The following TEX36 variants were observed in gnomAD, a reference collection of about 807,000 sequenced individuals.
TEX36 encodes the protein testis expressed 36.
TEX36 carries 12 observed loss-of-function variants against 13.6 expected under a neutral mutation model. The ratio of observed to expected loss-of-function variants is 0.88; its 90% CI spans 0.56 to 1.43. TEX36 has a LOEUF of 1.43. TEX36 is among the 40% of genes most tolerant of loss of function. The pLI is 0.00. For missense variants in TEX36, 224 were observed against 228.3 expected (o/e 0.98, Z 0.12); for synonymous variants, 93 against 83.0 (o/e 1.12, Z -0.65).
chr10:125,635,238 C>A (rs1234553376), intron 3 of TEX36, among the ~76,000 whole-genome samples: 1 of 152,180 alleles, frequency 6.6e-6, no homozygotes, highest in Non-Finnish European at 1.5e-5. Flanking sequence ...ATCCTGCATG[C>A]CTCACCCATT....
intron 3 of TEX36, chr10:125,578,352 C>T (rs1379189554): frequency 6.6e-6 from 1 of 152,136 alleles, no homozygotes; most frequent in Admixed American, 6.5e-5. Flanking sequence ...AAAATAAATC[C>T]CTGGGTCACA....
At chr10:125,677,321 G>A (rs1847327552) in intron 1 of TEX36, among the ~76,000 whole-genome samples, 1 of 152,058 alleles carries the variant, frequency 6.6e-6, no homozygotes. Context: ...TCTTTTCTCT[G>A]GAGGATCCTG....
At chr10:125,586,056 G>A (rs990941028) in intron 3 of TEX36, among the ~76,000 whole-genome samples, 1 of 152,214 alleles carries the variant, frequency 6.6e-6, no homozygotes, top group African/African-American at 2.4e-5. Flanking sequence ...GACGGCAACT[G>A]TGTGCAGGTG....
intron 1 of TEX36, among the ~76,000 whole-genome samples, chr10:125,675,561 T>C (rs148356193): frequency 1.2e-4 from 18 of 152,326 alleles, no homozygotes; most frequent in African/African-American, 4.1e-4. Context: ...ATCCATGGGT[T>C]GCACAGATCT....
chr10:125,664,782 CA>C (rs747432058), intron 1 of TEX36, among the ~76,000 whole-genome samples: 5 of 152,168 alleles, frequency 3.3e-5, no homozygotes, highest in Non-Finnish European at 5.9e-5. Flanking sequence ...TCCTTTATAG[CA>C]GTGTGAAAAC....
chr10:125,668,224 T>C (rs1186062331), intron 1 of TEX36, among the ~76,000 whole-genome samples: 2 of 152,164 alleles, frequency 1.3e-5, no homozygotes, highest in Admixed American at 6.5e-5. Context: ...TATTTTGAAA[T>C]AGTTTCAAGA....
intron 3 of TEX36, among the ~76,000 whole-genome samples, chr10:125,633,944 T>C (rs906839357): frequency 1.3e-5 from 2 of 152,088 alleles, no homozygotes; most frequent in African/African-American, 4.8e-5. Context: ...TGGGGCCCTT[T>C]AGTACCCACC....
At chr10:125,619,806 C>T (rs555908987), downstream of TEX36, among the ~76,000 whole-genome samples, 181 of 152,148 alleles carry the variant, frequency 1.2e-3, no homozygotes, top group African/African-American at 3.9e-3. Flanking sequence ...CCACCTGCCT[C>T]CGCCTCCCAA....
chr10:125,578,377 G>T (rs1327799719), intron 3 of TEX36: 1 of 152,230 alleles, frequency 6.6e-6, no homozygotes, highest in Non-Finnish European at 1.5e-5. Flanking sequence ...GATAGTGATT[G>T]AGTAGAGCTT....
At chr10:125,665,627 T>A (rs1847109322) in intron 1 of TEX36, among the ~76,000 whole-genome samples, 1 of 152,060 alleles carries the variant, frequency 6.6e-6, no homozygotes, top group Non-Finnish European at 1.5e-5. Flanking sequence ...GTTACTATAG[T>A]CTTGTAATAA....
rs534198203 is a variant in TEX36, at chr10:125,665,362, G to GT, written c.52-3386dup. Among the ~76,000 whole-genome samples the GT allele has an allele frequency of 1.2e-3, 187 of 152,122 alleles. 1 individual carries two copies. Among genetic ancestry groups the GT allele is most frequent in the African/African-American group, 4.3e-3 (178 of 41,520 alleles). ...AGTTTTCTCTAGGTTTTCTTCTAGT[G>GT]TTTTTTACAGTTTCAGATCTTATAT... On this transcript the variant is annotated intron_variant, in intron 1 of 3. Transcript: ENST00000368821.
chr10:125,675,619 C>A (rs1304031864), intron 1 of TEX36, among the ~76,000 whole-genome samples: 1 of 152,156 alleles, frequency 6.6e-6, no homozygotes, highest in Non-Finnish European at 1.5e-5. Flanking sequence ...TCACTCACCA[C>A]CCTTCTTGGC....
At chr10:125,635,049 C>T (rs145018612) in intron 3 of TEX36, among the ~76,000 whole-genome samples, 71 of 152,288 alleles carry the variant, frequency 4.7e-4, no homozygotes, top group Middle Eastern at 6.8e-3. Context: ...AAGGCCACAC[C>T]AGACGCATTG....
At chr10:125,640,541 G>A (rs546807284) in intron 3 of TEX36, among the ~76,000 whole-genome samples, 60 of 152,242 alleles carry the variant, frequency 3.9e-4, no homozygotes, top group Admixed American at 1.8e-3. Context: ...CTTAAATACC[G>A]CGTGTTAAAT....
intron 3 of TEX36, among the ~76,000 whole-genome samples, chr10:125,659,159 T>C (rs570387523): frequency 1.3e-5 from 2 of 152,324 alleles, no homozygotes; most frequent in African/African-American, 4.8e-5. Context: ...AGTTATTTCA[T>C]AGGCAAATTC....
In TEX36 at chr10:125,612,289, G is replaced by T. The variant is rs144096994; in HGVS notation, c.265-35415C>A. ...AGTAGAGATAGGATTTCACCGTATTGGTCAGGCTGGTCTTGAATTCCTGAT... is the reference window on the plus strand; with the variant it reads ...AGTAGAGATAGGATTTCACCGTATTTGTCAGGCTGGTCTTGAATTCCTGAT... On this transcript the variant is annotated intron_variant, in intron 3 of 3. Transcript: ENST00000532135. Among the ~76,000 whole-genome samples the T allele has an allele frequency of 1.8e-3, 247 of 140,606 alleles. 1 individual carries two copies. Among genetic ancestry groups the T allele is most frequent in the African/African-American group, 6.2e-3 (243 of 39,202 alleles). 92.2% of individuals were successfully genotyped at this position (140,606 alleles called of 152,430 possible).
Position 125,655,969 on chromosome 10 carries a change from C to T in TEX36, c.492G>A (p.Glu164=). 1 of 1,551,112 alleles carries T rather than the reference C, an allele frequency of 6.4e-7. No individual in the cohort carries two copies. The highest frequency in any genetic ancestry group is 8.7e-7 in the Non-Finnish European group (1 of 1,146,740). Reference sequence around the variant, plus strand: ...TTACTTTGGGCTTCTTTTTCAAAACCTCTGTATAGCTTCTCTCAGGAAGAA... The same window carrying T: ...TTACTTTGGGCTTCTTTTTCAAAACTTCTGTATAGCTTCTCTCAGGAAGAA... The part of the protein sequence containing the change: ...FTFLPERSYT[E]VLKKKPKVRF... Residue 164 remains glutamate, a synonymous_variant, in exon 4 of 4, where the codon GAG becomes GAA. Coordinates refer to ENST00000368821, the MANE Select transcript of TEX36 (RefSeq NM_001128202.3).
downstream of TEX36, among the ~76,000 whole-genome samples, chr10:125,617,824 A>T (rs927240745): frequency 6.6e-6 from 1 of 152,060 alleles, no homozygotes; most frequent in African/African-American, 2.4e-5. Flanking sequence ...CTGAATCTGA[A>T]TGTTGGCCTG....
chr10:125,664,652 A>G (rs1344822456), intron 1 of TEX36, among the ~76,000 whole-genome samples: 1 of 152,076 alleles, frequency 6.6e-6, no homozygotes, highest in East Asian at 1.9e-4. Context: ...GCCATGTAAG[A>G]TATGCCTTGC....
Sources: allele counts gnomAD v4.1 joint callset (sites outside exome capture counted in the v4.1 genomes callset), GRCh38; gene constraint gnomAD v4.1.1; transcripts MANE v1.5; gene names NCBI Gene and HGNC (gene_info 2026-07-23, HGNC 2026-07-21).